The following PRDM5 variants were observed in gnomAD, a reference collection of about 807,000 sequenced individuals.
PRDM5 encodes PR/SET domain 5.
A neutral mutation model predicts 81.2 loss-of-function variants in PRDM5; 56 were observed. That is an observed-to-expected ratio of 0.69 (90% confidence interval 0.56 to 0.86). PRDM5 has a LOEUF of 0.86. PRDM5 is among the 40% of genes least tolerant of loss of function. The pLI, the probability that PRDM5 is intolerant of heterozygous loss-of-function variation, is 0.00. For synonymous variants in PRDM5, 267 were observed against 256.4 expected, an observed-to-expected ratio of 1.04 and a Z score of -0.39; for missense variants, 697 against 770.1, an observed-to-expected ratio of 0.91 and a Z score of 1.12.
At chr4:120,865,873 T>C (rs1761149830) in intron 2 of PRDM5, among the ~76,000 whole-genome samples, 1 of 152,170 alleles carries the variant, frequency 6.6e-6, no homozygotes, top group Non-Finnish European at 1.5e-5. Context: ...TTCTCCAGCC[T>C]GACCCAGCCC....
intron 14 of PRDM5, among the ~76,000 whole-genome samples, chr4:120,741,409 A>G (rs1741922275): frequency 6.6e-6 from 1 of 151,726 alleles, no homozygotes; most frequent in Admixed American, 6.6e-5. Flanking sequence ...ATTTTTGGTT[A>G]TCAGGGGGGA....
chr4:120,688,733 C>T (rs1017669550), downstream of PRDM5, among the ~76,000 whole-genome samples: 11 of 152,058 alleles, frequency 7.2e-5, no homozygotes, highest in African/African-American at 2.7e-4. Flanking sequence ...ACTATCTTTT[C>T]CCACTGTGTA....
At chr4:120,793,894 T>C (rs1750962875) in intron 10 of PRDM5, among the ~76,000 whole-genome samples, 1 of 152,154 alleles carries the variant, frequency 6.6e-6, no homozygotes, top group Non-Finnish European at 1.5e-5. Context: ...CATTACATTG[T>C]ACACCATAAA....
intron 13 of PRDM5, among the ~76,000 whole-genome samples, chr4:120,772,358 A>C (rs1747421629): frequency 6.6e-6 from 1 of 152,196 alleles, no homozygotes; most frequent in African/African-American, 2.4e-5. Context: ...AAGTAAGCCC[A>C]AATTTAGAAA....
rs575260935 is a variant in PRDM5 at position 120,759,561 on chromosome 4, A to G, written c.1538-4923T>C. Among the ~76,000 whole-genome samples, 3 of 152,352 alleles carry G rather than the reference A, an allele frequency of 2.0e-5. No homozygotes were observed. The South Asian group carries it at 6.2e-4, about 32-fold the overall frequency. ...CTTAGGTTTTCTTCACATTATGCAT[A>G]TGATATTTGCCTTCATTATTTCAAA... On this transcript the variant is annotated intron_variant, in intron 13 of 15. Transcript: ENST00000264808.
chr4:120,725,711 G>C (rs1274637693), intron 14 of PRDM5, among the ~76,000 whole-genome samples: 2 of 133,954 alleles, frequency 1.5e-5, no homozygotes, highest in Non-Finnish European at 3.5e-5. Context: ...ACAAGAAAAT[G>C]CCAACTCCGT....
chr4:120,893,806 T>C (rs886315537), intron 2 of PRDM5, among the ~76,000 whole-genome samples: 7 of 152,230 alleles, frequency 4.6e-5, no homozygotes, highest in African/African-American at 1.4e-4. Context: ...TCTAGTAATG[T>C]TTCTTCCTTA....
At chr4:120,853,288 C>A in intron 3 of PRDM5, 130 bp downstream of exon 3, 2 of 1,388,858 alleles carry the variant, frequency 1.4e-6, no homozygotes, top group South Asian at 2.3e-5. Flanking sequence ...GATGAGATTT[C>A]TCTGCTTTTA....
rs1725122059 is a variant in PRDM5, at chr4:120,922,653, A to C, written c.-45T>G. ...GCCGCCTCTCTCAACACCGGCGCTT[A>C]GCGCCCGGCAGGCGGCACATCGAAA... On this transcript the variant is annotated 5_prime_UTR_variant, in exon 1 of 16. Coordinates refer to ENST00000264808, the MANE Select transcript of PRDM5 (RefSeq NM_018699.4). 2 of 1,565,156 alleles carry C rather than the reference A, an allele frequency of 1.3e-6. No individual in the cohort carries two copies. The highest frequency in any genetic ancestry group is 1.4e-5 in the African/African-American group (1 of 73,110).
At chr4:120,774,247 A>G (rs949493397) in intron 13 of PRDM5, among the ~76,000 whole-genome samples, 4 of 152,188 alleles carry the variant, frequency 2.6e-5, no homozygotes, top group African/African-American at 9.6e-5. Flanking sequence ...GGTCCTCGCC[A>G]CTTCATTGTG....
At chr4:120,917,163 T>G (rs1463077761) in intron 1 of PRDM5, among the ~76,000 whole-genome samples, 1 of 152,194 alleles carries the variant, frequency 6.6e-6, no homozygotes, top group East Asian at 1.9e-4. Context: ...GCTTGCTCAT[T>G]GCATTCCAGC....
At chr4:120,898,423 C>T (rs2148652614) in intron 2 of PRDM5, among the ~76,000 whole-genome samples, 1 of 152,292 alleles carries the variant, frequency 6.6e-6, no homozygotes, top group African/African-American at 2.4e-5. Context: ...ACAAGATTTC[C>T]AAAAGCTCTA....
At chr4:120,861,946 T>C (rs1419698498) in intron 2 of PRDM5, among the ~76,000 whole-genome samples, 1 of 152,216 alleles carries the variant, frequency 6.6e-6, no homozygotes, top group Non-Finnish European at 1.5e-5. Context: ...TCCTTTGATC[T>C]TGATCTCCTA....
intron 2 of PRDM5, among the ~76,000 whole-genome samples, chr4:120,901,525 A>T (rs1765226292): frequency 6.6e-6 from 1 of 152,216 alleles, no homozygotes; most frequent in Non-Finnish European, 1.5e-5. Flanking sequence ...CACGGCTCTC[A>T]CAGTGCTCTG....
chr4:120,735,869 T>C (rs889569323), intron 14 of PRDM5, among the ~76,000 whole-genome samples: 2 of 152,150 alleles, frequency 1.3e-5, no homozygotes, highest in African/African-American at 4.8e-5. Context: ...TATATAAATG[T>C]ATGGGGTACG....
chr4:120,860,274 C>T (rs1038084965), intron 2 of PRDM5, among the ~76,000 whole-genome samples: 2 of 152,164 alleles, frequency 1.3e-5, no homozygotes, highest in Non-Finnish European at 2.9e-5. Context: ...TTTTCTTTAA[C>T]TCTCATTGCC....
intron 2 of PRDM5, among the ~76,000 whole-genome samples, chr4:120,905,346 A>AT (rs35942649): frequency 1.6e-4 from 24 of 152,214 alleles, no homozygotes; most frequent in Admixed American, 3.3e-4. Flanking sequence ...TGGATAGGCT[A>AT]TAGTACCCAA....
chr4:120,854,394 G>A (rs997167446), intron 2 of PRDM5, among the ~76,000 whole-genome samples: 1 of 152,086 alleles, frequency 6.6e-6, no homozygotes, highest in Non-Finnish European at 1.5e-5. Context: ...AAAAAGGAAA[G>A]GAGTGAGTGA....
intron 2 of PRDM5, among the ~76,000 whole-genome samples, chr4:120,885,937 T>G (rs1176956949): frequency 6.6e-6 from 1 of 152,232 alleles, no homozygotes; most frequent in African/African-American, 2.4e-5. Context: ...AAGCATTCTT[T>G]AATCACACCT....
Sources: allele counts gnomAD v4.1 joint callset (sites outside exome capture counted in the v4.1 genomes callset), GRCh38; gene constraint gnomAD v4.1.1; transcripts MANE v1.5; gene names NCBI Gene and HGNC (gene_info 2026-07-23, HGNC 2026-07-21).